The following PRPF18 variants were observed in gnomAD, a reference collection of about 807,000 sequenced individuals.
PRPF18 encodes the protein pre-mRNA-splicing factor 18.
PRPF18 carries 38 observed loss-of-function variants against 46.5 expected under a neutral mutation model. That is an observed-to-expected ratio of 0.82 (90% CI 0.63 to 1.07). PRPF18 has a LOEUF of 1.07. Among genes scored for constraint, PRPF18 ranks in the 50% least tolerant of loss-of-function variants. PRPF18 has a pLI of 0.00. For missense variants in PRPF18, 263 were observed against 410.0 expected (o/e 0.64, Z 3.10); for synonymous variants, 152 against 146.7 (o/e 1.04, Z -0.26).
At chr10:13,628,043 A>C (rs764645878) in intron 9 of PRPF18, among the ~76,000 whole-genome samples, 36 of 152,200 alleles carry the variant, frequency 2.4e-4, no homozygotes, top group Non-Finnish European at 3.7e-4. Context: ...CTGCATACAC[A>C]TGATTAGAAT....
At chr10:13,598,023 C>T (rs1393177415) in intron 2 of PRPF18, among the ~76,000 whole-genome samples, 1 of 152,062 alleles carries the variant, frequency 6.6e-6, no homozygotes, top group Non-Finnish European at 1.5e-5. Context: ...CCTTTTGGGT[C>T]CTAAGAACCT....
chr10:13,655,405 T>G, the PRPF18 span: 1 of 152,326 alleles, frequency 6.6e-6, no homozygotes, highest in Non-Finnish European at 1.5e-5. Flanking sequence ...ACTCAAGATC[T>G]TCCTGGGGAG....
chr10:13,613,714 G>A (rs1381991986), intron 6 of PRPF18, 27 bp from the exon 7 acceptor site: 1 of 1,605,758 alleles, frequency 6.2e-7, no homozygotes, highest in South Asian at 1.1e-5. Context: ...TGGCATTGTA[G>A]TCTAAGTTTA....
chr10:13,620,752 A>G (rs1003810594), intron 9 of PRPF18, among the ~76,000 whole-genome samples: 3 of 152,378 alleles, frequency 2.0e-5, no homozygotes, highest in Middle Eastern at 3.4e-3. Flanking sequence ...ATGATAGACA[A>G]TAATTCAAGG....
the PRPF18 span, among the ~76,000 whole-genome samples, chr10:13,649,943 C>G: frequency 1.1e-4 from 17 of 152,218 alleles, no homozygotes; most frequent in African/African-American, 4.1e-4. Flanking sequence ...TGTGCTCTCT[C>G]AACTGTGACC....
chr10:13,629,979 G>C (rs1451024846), intron 9 of PRPF18, among the ~76,000 whole-genome samples: 1 of 152,206 alleles, frequency 6.6e-6, no homozygotes, highest in African/African-American at 2.4e-5. Flanking sequence ...TATCCCATTT[G>C]TGAGCACACT....
chr10:13,621,726 A>C (rs1304351474), intron 9 of PRPF18, among the ~76,000 whole-genome samples: 1 of 152,184 alleles, frequency 6.6e-6, no homozygotes, highest in African/African-American at 2.4e-5. Flanking sequence ...AGATTAAGGA[A>C]TAATAATCTT....
At chr10:13,588,430 A>G (rs953218572) in intron 1 of PRPF18, among the ~76,000 whole-genome samples, 3 of 151,394 alleles carry the variant, frequency 2.0e-5, no homozygotes, top group African/African-American at 7.3e-5. Flanking sequence ...AATTCCTTCT[A>G]GCCAGGTGTG....
At chr10:13,629,836 G>A (rs1249515252) in intron 9 of PRPF18, among the ~76,000 whole-genome samples, 1 of 152,146 alleles carries the variant, frequency 6.6e-6, no homozygotes, top group African/African-American at 2.4e-5. Context: ...ATGCATAAGG[G>A]AGAAGTTATC....
chr10:13,622,457 C>T (rs2080434119), intron 9 of PRPF18, among the ~76,000 whole-genome samples: 1 of 152,110 alleles, frequency 6.6e-6, no homozygotes, highest in Non-Finnish European at 1.5e-5. Context: ...AAAGCCAGAC[C>T]AGTCTCTATT....
chr10:13,633,611 C>CA (rs1468880238), downstream of PRPF18, among the ~76,000 whole-genome samples: 7 of 152,134 alleles, frequency 4.6e-5, no homozygotes, highest in African/African-American at 1.7e-4. Context: ...TAATGCTTCA[C>CA]ACAGAAGGAT....
chr10:13,624,433 G>A (rs1040896685), intron 9 of PRPF18, among the ~76,000 whole-genome samples: 1 of 152,234 alleles, frequency 6.6e-6, no homozygotes, highest in Non-Finnish European at 1.5e-5. Flanking sequence ...GAGGATATTA[G>A]GCACTTCTCA....
At chr10:13,600,381 A>G (rs763452604) in intron 3 of PRPF18, 33 bp downstream of exon 3, 1 of 1,492,160 alleles carries the variant, frequency 6.7e-7, no homozygotes, top group Non-Finnish European at 9.3e-7. Flanking sequence ...CATGAGAATA[A>G]GATCTCCACG....
chr10:13,614,799 A>C (rs1290325402), intron 8 of PRPF18, among the ~76,000 whole-genome samples: 3 of 152,244 alleles, frequency 2.0e-5, no homozygotes, highest in African/African-American at 7.2e-5. Flanking sequence ...CCAATGCACC[A>C]GTAGTGGCAA....
At chr10:13,617,129 T>G (rs1161386870) in intron 9 of PRPF18, among the ~76,000 whole-genome samples, 1 of 152,186 alleles carries the variant, frequency 6.6e-6, no homozygotes, top group Non-Finnish European at 1.5e-5. Flanking sequence ...TTCTCCCTAG[T>G]GGGAAGAAAA....
chr10:13,605,015 G>A (rs1412217446), intron 3 of PRPF18, among the ~76,000 whole-genome samples: 1 of 152,310 alleles, frequency 6.6e-6, no homozygotes, highest in Middle Eastern at 3.4e-3. Context: ...GACTTGAATT[G>A]TAGAGTCATA....
intron 4 of PRPF18, among the ~76,000 whole-genome samples, chr10:13,606,021 T>C (rs2080179105): frequency 1.3e-5 from 2 of 152,234 alleles, no homozygotes; most frequent in South Asian, 4.2e-4. Flanking sequence ...TCAGGAAGAA[T>C]AGCGAATGGA....
intron 9 of PRPF18, among the ~76,000 whole-genome samples, chr10:13,622,720 T>G (rs1455594564): frequency 6.6e-6 from 1 of 152,212 alleles, no homozygotes; most frequent in East Asian, 1.9e-4. Context: ...CTTTAGTTTT[T>G]TGATAAGTCC....
chr10:13,627,090 A>G lies in PRPF18; in HGVS notation c.949-3170A>G, dbSNP rs371837486. ...CCCCAGACTGATCCAGTTCACATAC[A>G]GTCAGATCGTGTTGCTCTGTTGTTC... On this transcript the variant is annotated intron_variant, in intron 9 of 9. Coordinates refer to ENST00000378572, the MANE Select transcript of PRPF18 (RefSeq NM_003675.4). Among the ~76,000 whole-genome samples, 9 of 152,298 alleles carry G rather than the reference A, an allele frequency of 5.9e-5. No individual in the cohort carries two copies. In the South Asian group the frequency reaches 1.9e-3, roughly 32 times the overall value.
Sources: allele counts gnomAD v4.1 joint callset (sites outside exome capture counted in the v4.1 genomes callset), GRCh38; gene constraint gnomAD v4.1.1; transcripts MANE v1.5; gene names NCBI Gene and HGNC (gene_info 2026-07-23, HGNC 2026-07-21).